LAMA4: variants seen among roughly 807,000 people sequenced by gnomAD.
LAMA4 encodes the protein laminin subunit alpha-4.
In LAMA4, 127 loss-of-function variants were observed where a neutral mutation model predicts 207.1. That is an observed-to-expected ratio of 0.61 (90% CI 0.53 to 0.71). LAMA4 has a LOEUF of 0.71. Ranked by LOEUF, LAMA4 falls within the 30% of genes least tolerant of loss-of-function variation. The pLI is 0.00. For missense variants in LAMA4, 2,093 were observed against 2,246.5 expected, an observed-to-expected ratio of 0.93 and a Z score of 1.38; for synonymous variants, 761 against 816.0, an observed-to-expected ratio of 0.93 and a Z score of 1.15.
intron 2 of LAMA4, chr6:112,216,894 G>A (rs1784657466): frequency 4.0e-6 from 1 of 251,264 alleles, no homozygotes; most frequent in Admixed American, 5.1e-5. Flanking sequence ...TCTCGTTTCA[G>A]CAATCACTAG....
chr6:112,115,148 G>A (rs1023808385), intron 36 of LAMA4, among the ~76,000 whole-genome samples: 4 of 152,068 alleles, frequency 2.6e-5, no homozygotes, highest in East Asian at 1.9e-4. Context: ...AATTATAAGC[G>A]ATACTGTTAC....
chr6:112,115,800 C>A lies in LAMA4; in HGVS notation c.5112+63G>T, dbSNP rs936860115. 14 of 1,488,806 alleles carry A rather than the reference C, an allele frequency of 9.4e-6. No homozygotes were observed. The African/African-American group carries it at 1.9e-4, about 21-fold the overall frequency. 92.2% of individuals were successfully genotyped at this position (1,488,806 alleles called of 1,614,324 possible). ...GATGAAATAATTCTGTGAAATAAAT[C>A]TGCTTCAGATCTAGAATCCAAGGTC... is the stretch of plus-strand genomic sequence containing the variant. On this transcript the variant is annotated intron_variant, in intron 36 of 38. Transcript: ENST00000230538.
intron 24 of LAMA4, 142 bp from the exon 25 acceptor site, chr6:112,136,396 A>C: frequency 1.4e-6 from 1 of 738,168 alleles, no homozygotes. Context: ...TTCTTATGAA[A>C]TAAAAGTGAC....
Position 112,117,465 on chromosome 6 carries a change from C to T in LAMA4, c.4981+274G>A, listed in dbSNP as rs782347258. On this transcript the variant is annotated intron_variant, in intron 35 of 38. Transcript: ENST00000230538. This position sits in a 1 kb window ranked among gnomAD's most constrained non-coding sequence, Gnocchi z 4.5. The stretch of plus-strand genomic sequence containing the variant: ...CCAAAAACTGACATGGATCAGGCCA[C>T]GGAGCAGCATAGACATTCTAAAGGA... 7.9e-5 allele frequency among the ~76,000 whole-genome samples: 12 copies of T among 152,036 alleles called. No homozygotes were observed. Among genetic ancestry groups the T allele is most frequent in the South Asian group, 2.1e-4 (1 of 4,814 alleles).
At chr6:112,130,680 C>G (rs1778985145) in intron 29 of LAMA4, among the ~76,000 whole-genome samples, 1 of 152,060 alleles carries the variant, frequency 6.6e-6, no homozygotes, top group African/African-American at 2.4e-5. Flanking sequence ...ATACTGCACT[C>G]TGTTCAGTAG....
chr6:112,119,119 A>T, intron 34 of LAMA4, 37 bp downstream of exon 34: 1 of 1,609,156 alleles, frequency 6.2e-7, no homozygotes, highest in Non-Finnish European at 8.5e-7. Context: ...TTCTGGCTCT[A>T]ATGGTCAATG....
intron 30 of LAMA4, 58 bp from the exon 31 acceptor site, chr6:112,129,133 T>A: frequency 1.4e-6 from 2 of 1,457,688 alleles, no homozygotes; most frequent in Non-Finnish European, 1.9e-6. Context: ...AATTACATGA[T>A]GAATATTATG....
At chr6:112,240,351 A>C (rs995536797) in intron 2 of LAMA4, among the ~76,000 whole-genome samples, 2 of 152,146 alleles carry the variant, frequency 1.3e-5, no homozygotes, top group Non-Finnish European at 2.9e-5. Flanking sequence ...AAATAAGCAC[A>C]CCATAGAGAA....
intron 3 of LAMA4, among the ~76,000 whole-genome samples, chr6:112,212,165 G>C (rs1238933345): frequency 6.6e-6 from 1 of 152,058 alleles, no homozygotes; most frequent in Non-Finnish European, 1.5e-5. Context: ...ACCAAGTTCA[G>C]GTTGGGAGAG....
intron 2 of LAMA4, among the ~76,000 whole-genome samples, chr6:112,227,963 A>C (rs4947179): frequency 0.52 from 78,804 of 152,154 alleles, 23,245 homozygotes; most frequent in Non-Finnish European, 0.64. Flanking sequence ...TCCTCAAAAT[A>C]GTGCACAATA....
chr6:112,146,745 C>T (rs769173364), intron 18 of LAMA4, among the ~76,000 whole-genome samples: 1 of 152,058 alleles, frequency 6.6e-6, no homozygotes, highest in African/African-American at 2.4e-5. Flanking sequence ...TTAGGACACA[C>T]GATGTTTCTC....
At chr6:112,137,154 C>A (rs1018619792) in intron 24 of LAMA4, among the ~76,000 whole-genome samples, 7 of 152,086 alleles carry the variant, frequency 4.6e-5, no homozygotes, top group Admixed American at 2.6e-4. Context: ...AATTTTGTAA[C>A]ACTCAAATAA....
At chr6:112,184,518 A>T (rs1434616126) in intron 9 of LAMA4, among the ~76,000 whole-genome samples, 1 of 151,846 alleles carries the variant, frequency 6.6e-6, no homozygotes, top group Admixed American at 6.6e-5. Context: ...AGCTTTTACA[A>T]GTTGTATTTT....
At chr6:112,213,956 G>A in intron 3 of LAMA4, 1 of 704,528 alleles carries the variant, frequency 1.4e-6, no homozygotes, top group South Asian at 1.6e-5. Context: ...CACTGGTCAT[G>A]ACAGTGAGCT....
chr6:112,201,404 C>A (rs1368174290), intron 5 of LAMA4, among the ~76,000 whole-genome samples: 1 of 152,168 alleles, frequency 6.6e-6, no homozygotes, highest in African/African-American at 2.4e-5. Flanking sequence ...GGCCTGAAGC[C>A]CTAGGAAGCA....
At chr6:112,155,945 G>A (rs1395549439) in intron 14 of LAMA4, among the ~76,000 whole-genome samples, 1 of 152,216 alleles carries the variant, frequency 6.6e-6, no homozygotes, top group Non-Finnish European at 1.5e-5. Flanking sequence ...CAGGAAAAGG[G>A]AATGACGATT....
rs185113791 is a variant in LAMA4, at chr6:112,126,590, A to G, written c.4287+2332T>C. 1.3e-4 allele frequency among the ~76,000 whole-genome samples: 20 copies of G among 152,346 alleles called. No homozygotes were observed. The East Asian group carries it at 3.5e-3, about 26-fold the overall frequency. ...AAGGAGAAGTTTCAAGAGGATTGAAAAAAGTAGTCCACATATGCTCAAATA... is the reference window on the plus strand; with the variant it reads ...AAGGAGAAGTTTCAAGAGGATTGAAGAAAGTAGTCCACATATGCTCAAATA... On this transcript the variant is annotated intron_variant, in intron 31 of 38. Transcript: ENST00000230538.
chr6:112,195,558 T>C (rs1273004514), intron 5 of LAMA4, among the ~76,000 whole-genome samples: 1 of 152,212 alleles, frequency 6.6e-6, no homozygotes, highest in Non-Finnish European at 1.5e-5. Context: ...GAAATCATTA[T>C]GATTATCATC....
chr6:112,251,415 C>T (rs1787442548), intron 2 of LAMA4: 1 of 152,232 alleles, frequency 6.6e-6, no homozygotes, highest in Non-Finnish European at 1.5e-5. Flanking sequence ...CAAGCACCTC[C>T]CACTGCTCCA....
Sources: gnomAD v4.1 joint callset for allele counts (sites outside exome capture counted in the v4.1 genomes callset) on GRCh38, gnomAD v4.1.1 for gene constraint, Gnocchi (gnomAD v3.1) non-coding constraint, MANE v1.5 for transcripts, NCBI Gene and HGNC (gene_info 2026-07-23, HGNC 2026-07-21) for gene names.